Variants in AUTS2 observed in about 807,000 individuals in gnomAD.
AUTS2 encodes activator of transcription and developmental regulator AUTS2.
In AUTS2, 17 loss-of-function variants were observed where a neutral mutation model predicts 112.4. The observed-to-expected ratio is 0.15, with a 90% CI of 0.10 to 0.23. The LOEUF is 0.23. Among genes scored for constraint, AUTS2 ranks in the 10% least tolerant of loss-of-function variants. The pLI is 1.00. For missense variants in AUTS2, 1,510 were observed against 1,701.6 expected (o/e 0.89, Z 1.98); for synonymous variants, 751 against 702.7 (o/e 1.07, Z -1.09).
chr7:69,991,286 G>C (rs1315638830), intron 2 of AUTS2, among the ~76,000 whole-genome samples: 1 of 152,182 alleles, frequency 6.6e-6, no homozygotes, highest in Non-Finnish European at 1.5e-5. Flanking sequence ...ATGCAGTGTA[G>C]GAAAGCATTT....
chr7:69,822,069 G>A (rs1791025975), intron 1 of AUTS2, among the ~76,000 whole-genome samples: 1 of 152,142 alleles, frequency 6.6e-6, no homozygotes, highest in Non-Finnish European at 1.5e-5. Context: ...AAGTAGATGG[G>A]TTAGAAGGCT....
chr7:70,066,203 G>A (rs1432873521), intron 2 of AUTS2, among the ~76,000 whole-genome samples: 7 of 152,104 alleles, frequency 4.6e-5, no homozygotes, highest in African/African-American at 1.7e-4. Flanking sequence ...TATTTTCAAA[G>A]CACATTCCTA....
chr7:70,494,330 C>A (rs1252093531), intron 5 of AUTS2, among the ~76,000 whole-genome samples: 1 of 152,002 alleles, frequency 6.6e-6, no homozygotes, highest in Non-Finnish European at 1.5e-5. Context: ...AATCAAGACT[C>A]TGACAGAGTT....
chr7:70,566,743 GA>G (rs1292801148), intron 5 of AUTS2, among the ~76,000 whole-genome samples: 1 of 152,088 alleles, frequency 6.6e-6, no homozygotes, highest in African/African-American at 2.4e-5. Flanking sequence ...TTCTTGAGGA[GA>G]AAAAAAGAAT....
At chr7:70,760,513 A>G (rs555182995) in intron 6 of AUTS2, among the ~76,000 whole-genome samples, 78 of 152,364 alleles carry the variant, frequency 5.1e-4, no homozygotes, top group African/African-American at 1.7e-3. Context: ...CATATGAAGC[A>G]CGTGATTTTT....
chr7:69,653,424 C>G (rs1795379384), intron 1 of AUTS2, among the ~76,000 whole-genome samples: 1 of 152,178 alleles, frequency 6.6e-6, no homozygotes. Flanking sequence ...GTATCTCTCT[C>G]CAGCACTCCT....
chr7:70,098,280 G>A (rs969806123), intron 2 of AUTS2, among the ~76,000 whole-genome samples: 11 of 152,092 alleles, frequency 7.2e-5, no homozygotes, highest in African/African-American at 1.2e-4. Context: ...AAACTTTTAC[G>A]GCCTTCCCCA....
At chr7:70,447,156 G>A (rs565199398) in intron 5 of AUTS2, among the ~76,000 whole-genome samples, 58 of 152,304 alleles carry the variant, frequency 3.8e-4, no homozygotes, top group Non-Finnish European at 6.9e-4. Flanking sequence ...CAGAACCCAC[G>A]TCCAGCCATG....
chr7:70,535,404 A>G (rs888918099), intron 5 of AUTS2, among the ~76,000 whole-genome samples: 3 of 151,574 alleles, frequency 2.0e-5, no homozygotes, highest in African/African-American at 7.3e-5. Context: ...TTTTATTTTT[A>G]TTTATATTTA....
At chr7:70,650,228 G>A (rs1806424455) in intron 5 of AUTS2, among the ~76,000 whole-genome samples, 1 of 152,192 alleles carries the variant, frequency 6.6e-6, no homozygotes, top group Non-Finnish European at 1.5e-5. Context: ...CTTCCCCTCA[G>A]GTTTCACTGG....
chr7:69,740,625 G>A (rs1002854308), intron 1 of AUTS2, among the ~76,000 whole-genome samples: 13 of 152,092 alleles, frequency 8.5e-5, no homozygotes, highest in African/African-American at 3.1e-4. Context: ...CCGGGTTCAA[G>A]GAATTCTCCT....
intron 2 of AUTS2, among the ~76,000 whole-genome samples, chr7:70,011,384 A>T (rs1389188603): frequency 3.4e-5 from 4 of 118,128 alleles, no homozygotes; most frequent in Non-Finnish European, 5.0e-5. Flanking sequence ...TCCCTTTTCT[A>T]CTCTCCCACT....
intron 1 of AUTS2, among the ~76,000 whole-genome samples, chr7:69,665,755 A>G (rs1214875263): frequency 6.6e-6 from 1 of 152,198 alleles, no homozygotes; most frequent in East Asian, 1.9e-4. Flanking sequence ...TCAGAGTATA[A>G]TAATAAATTT....
At chr7:70,479,226 T>C (rs1797697695) in intron 5 of AUTS2, among the ~76,000 whole-genome samples, 1 of 152,192 alleles carries the variant, frequency 6.6e-6, no homozygotes, top group African/African-American at 2.4e-5. Flanking sequence ...TTCACTTCTT[T>C]CCTAAATGAA....
At chr7:70,751,462 A>G (rs886340905) in intron 6 of AUTS2, among the ~76,000 whole-genome samples, 2 of 152,202 alleles carry the variant, frequency 1.3e-5, no homozygotes, top group African/African-American at 2.4e-5. Context: ...AATTATTCCT[A>G]TTCAGTGCCT....
At chr7:70,627,187 C>G (rs1804996027) in intron 5 of AUTS2, among the ~76,000 whole-genome samples, 1 of 152,146 alleles carries the variant, frequency 6.6e-6, no homozygotes, top group Admixed American at 6.5e-5. Flanking sequence ...GTTGTTTTTA[C>G]TTTTAATAAT....
intron 1 of AUTS2, among the ~76,000 whole-genome samples, chr7:69,621,659 A>G (rs1793669777): frequency 6.6e-6 from 1 of 152,162 alleles, no homozygotes; most frequent in Non-Finnish European, 1.5e-5. Flanking sequence ...TGTGTCACTC[A>G]TACTTCTGTG....
At chr7:70,622,408 G>C (rs1481966090) in intron 5 of AUTS2, among the ~76,000 whole-genome samples, 1 of 152,104 alleles carries the variant, frequency 6.6e-6, no homozygotes, top group African/African-American at 2.4e-5. Context: ...CATTCTTGCT[G>C]AGCAGAACAC....
At chr7:69,967,506 CAG>C (rs1584504666) in intron 2 of AUTS2, among the ~76,000 whole-genome samples, 3 of 152,140 alleles carry the variant, frequency 2.0e-5, no homozygotes, top group African/African-American at 7.2e-5. Context: ...AGATCACACA[CAG>C]TGTTTTAGGA....
Sources: gnomAD v4.1 joint callset for allele counts (sites outside exome capture counted in the v4.1 genomes callset) on GRCh38, gnomAD v4.1.1 for gene constraint, MANE v1.5 for transcripts, NCBI Gene and HGNC (gene_info 2026-07-23, HGNC 2026-07-21) for gene names.